ARHGAP40: variants seen among roughly 807,000 people sequenced by gnomAD.
ARHGAP40 encodes the protein Rho GTPase activating protein 40.
A neutral mutation model predicts 73.5 loss-of-function variants in ARHGAP40; 43 were observed. The observed-to-expected ratio is 0.58, with a 90% CI of 0.46 to 0.75. ARHGAP40 has a LOEUF of 0.75. ARHGAP40 is among the 30% of genes least tolerant of loss of function. The pLI is 0.00. For synonymous variants in ARHGAP40, 300 were observed against 352.8 expected, an observed-to-expected ratio of 0.85 and a Z score of 1.68; for missense variants, 734 against 861.8, an observed-to-expected ratio of 0.85 and a Z score of 1.86.
At chr20:38,613,519 G>A (rs1382011570) in intron 1 of ARHGAP40, among the ~76,000 whole-genome samples, 3 of 152,158 alleles carry the variant, frequency 2.0e-5, no homozygotes, top group Non-Finnish European at 2.9e-5. Flanking sequence ...CATTGCTTGG[G>A]CATAATGGCC....
chr20:38,641,925 T>C, intron 10 of ARHGAP40, 117 bp downstream of exon 10: 1 of 781,846 alleles, frequency 1.3e-6, no homozygotes, highest in Non-Finnish European at 1.8e-6. Flanking sequence ...GGTGCTAGGG[T>C]TCAGTGATGA....
chr20:38,629,628 C>T (rs779850625), exon 5 of ARHGAP40: 6 of 1,305,446 alleles, frequency 4.6e-6, no homozygotes, highest in Non-Finnish European at 6.1e-6. Flanking sequence ...GGCACCTCTG[C>T]CTGGGGCAAG....
At chr20:38,645,983 A>AG (rs1317308571) in intron 11 of ARHGAP40, 64 bp from the exon 12 acceptor site, 1 of 1,227,310 alleles carries the variant, frequency 8.1e-7, no homozygotes, top group Non-Finnish European at 1.1e-6. Flanking sequence ...GACCCTGGAG[A>AG]GGGCTCTGCC....
At chr20:38,628,062 G>C (rs2088913638) in intron 3 of ARHGAP40, among the ~76,000 whole-genome samples, 1 of 152,206 alleles carries the variant, frequency 6.6e-6, no homozygotes, top group Non-Finnish European at 1.5e-5. Context: ...AGCAGCCCAG[G>C]GGCAGGACCA....
At chr20:38,635,070 C>T (rs1320967697) in intron 6 of ARHGAP40, among the ~76,000 whole-genome samples, 6 of 151,832 alleles carry the variant, frequency 4.0e-5, no homozygotes, top group Non-Finnish European at 5.9e-5. Flanking sequence ...TTAGTACAGA[C>T]GGGGTTTCAC....
chr20:38,611,251 C>T (rs755915509), intron 1 of ARHGAP40, among the ~76,000 whole-genome samples: 1 of 151,942 alleles, frequency 6.6e-6, no homozygotes, highest in Non-Finnish European at 1.5e-5. Flanking sequence ...AAGGGAGGAG[C>T]GTATAATGAG....
chr20:38,640,289 T>C (rs1279023294), intron 9 of ARHGAP40, among the ~76,000 whole-genome samples: 1 of 150,330 alleles, frequency 6.7e-6, no homozygotes, highest in Admixed American at 6.6e-5. Flanking sequence ...TGATCCTAGC[T>C]CACTGCAGCC....
At chr20:38,625,455 G>A (rs2088893976) in intron 2 of ARHGAP40, among the ~76,000 whole-genome samples, 1 of 151,160 alleles carries the variant, frequency 6.6e-6, no homozygotes, top group Non-Finnish European at 1.5e-5. Context: ...GTTTCACTCT[G>A]TCACCCAGAC....
At chr20:38,650,190 C>G (rs2089080960) in exon 15 of ARHGAP40, 1 of 381,650 alleles carries the variant, frequency 2.6e-6, no homozygotes, top group Non-Finnish European at 5.2e-6. Context: ...TCCAGCCCTC[C>G]AGAGAGTTGC....
intron 1 of ARHGAP40, among the ~76,000 whole-genome samples, chr20:38,615,657 G>A (rs1051522283): frequency 1.3e-5 from 2 of 152,156 alleles, no homozygotes; most frequent in African/African-American, 4.8e-5. Context: ...TCTGGGGGTT[G>A]GAGATAGGGT....
At chr20:38,650,258 G>T in exon 15 of ARHGAP40, 1 of 443,760 alleles carries the variant, frequency 2.3e-6, no homozygotes. Flanking sequence ...ATCTCCATGG[G>T]CTTCTGTCTG....
chr20:38,640,923 C>T (rs774958003), intron 9 of ARHGAP40, among the ~76,000 whole-genome samples: 8 of 152,302 alleles, frequency 5.3e-5, no homozygotes, highest in Middle Eastern at 3.4e-3. Flanking sequence ...TTATTCTTTG[C>T]TTGTGTATTA....
rs2089055225 is a variant in ARHGAP40, at chr20:38,646,622, T to C, written c.1711-335T>C. Among the ~76,000 whole-genome samples the C allele has an allele frequency of 6.6e-6, 1 of 152,160 alleles. No individual in the cohort carries two copies. Among genetic ancestry groups the C allele is most frequent in the Non-Finnish European group, 1.5e-5 (1 of 68,032 alleles). ...TCCCGATTAGAGAAATTGATGAGCG[T>C]TGAGGCTGCACCGTGCACGATGTGT... is the stretch of plus-strand genomic sequence containing the variant. On this transcript the variant is annotated intron_variant, in intron 12 of 14. Transcript: ENST00000373345. The surrounding 1 kb of genome is among the most constrained non-coding windows in gnomAD (Gnocchi z 4.5).
Position 38,646,022 on chromosome 20 carries a change from C to T in ARHGAP40, c.1570-25C>T. The T allele has an allele frequency of 8.5e-6, 11 of 1,287,480 alleles. No individual in the cohort carries two copies. Among genetic ancestry groups the T allele is most frequent in the Non-Finnish European group, 1.1e-5 (11 of 978,098 alleles). The allele number at this position is 1,287,480 out of a possible 1,614,324, so 79.8% of individuals were successfully genotyped here. On this transcript the variant is annotated intron_variant, in intron 11 of 14. Transcript: ENST00000373345. The surrounding 1 kb of genome is among the most constrained non-coding windows in gnomAD (Gnocchi z 4.5). ...CGCCCCCAGAAGTCCTATCCCCCTG[C>T]CAAAACTTGATCCTTTCTGGCCAGG...
At position 38,646,010 on chromosome 20, in the gene ARHGAP40, C is replaced by T; in HGVS notation, c.1570-37C>T. 7.8e-7 allele frequency: 1 copy of T among 1,278,402 alleles called. No individual in the cohort carries two copies. Among genetic ancestry groups the T allele is most frequent in the South Asian group, 1.3e-5 (1 of 77,606 alleles). 79.2% of individuals were successfully genotyped at this position (1,278,402 alleles called of 1,614,324 possible). A position where few individuals can be genotyped will look rare whatever the true frequency, so the allele number is the denominator to read the frequency against. On this transcript the variant is annotated intron_variant, in intron 11 of 14. Coordinates refer to ENST00000373345, the Ensembl canonical transcript of ARHGAP40. The surrounding 1 kb of genome is among the most constrained non-coding windows in gnomAD (Gnocchi z 4.5). ...GGCTCTGCCTCTCGCCCCCAGAAGTCCTATCCCCCTGCCAAAACTTGATCC... is the reference window on the plus strand; with the variant it reads ...GGCTCTGCCTCTCGCCCCCAGAAGTTCTATCCCCCTGCCAAAACTTGATCC...
chr20:38,620,487 T>C (rs975370999), intron 1 of ARHGAP40, among the ~76,000 whole-genome samples: 1 of 152,202 alleles, frequency 6.6e-6, no homozygotes, highest in African/African-American at 2.4e-5. Context: ...GTGTTGACAA[T>C]TTTGCTTGGG....
chr20:38,624,415 C>T (rs1046612752), intron 2 of ARHGAP40, among the ~76,000 whole-genome samples: 1 of 152,148 alleles, frequency 6.6e-6, no homozygotes, highest in Non-Finnish European at 1.5e-5. Flanking sequence ...CTGCATGCAG[C>T]TATGTTCAAG....
chr20:38,648,832 C>A, intron 14 of ARHGAP40, 134 bp downstream of exon 14: 1 of 595,238 alleles, frequency 1.7e-6, no homozygotes, highest in Non-Finnish European at 2.7e-6. Flanking sequence ...TCTCTGTCTT[C>A]AATGAAACCA....
chr20:38,629,491 C>G lies in ARHGAP40; in HGVS notation c.635-11C>G. The G allele has an allele frequency of 7.7e-7, 1 of 1,305,256 alleles. No individual in the cohort carries two copies. The highest frequency in any genetic ancestry group is 1.0e-6 in the Non-Finnish European group (1 of 988,902). 80.9% of individuals were successfully genotyped at this position (1,305,256 alleles called of 1,614,324 possible). Reference sequence around the variant, plus strand: ...ACTGCCTTTCTCTGCTTTGTTTCCCCCGCCCCGCAGCAGCAGAGCCTGGGG... The same window carrying G: ...ACTGCCTTTCTCTGCTTTGTTTCCCGCGCCCCGCAGCAGCAGAGCCTGGGG... On this transcript the variant is annotated splice_polypyrimidine_tract_variant and intron_variant, in intron 4 of 14. Transcript: ENST00000373345.
Sources: gnomAD v4.1 joint callset for allele counts (sites outside exome capture counted in the v4.1 genomes callset) on GRCh38, gnomAD v4.1.1 for gene constraint, Gnocchi (gnomAD v3.1) non-coding constraint, MANE v1.5 for transcripts, NCBI Gene and HGNC (gene_info 2026-07-23, HGNC 2026-07-21) for gene names.